ZC3H12B: variants seen among roughly 807,000 people sequenced by gnomAD.
ZC3H12B encodes the protein probable ribonuclease ZC3H12B.
ZC3H12B carries 7 observed loss-of-function variants against 43.9 expected under a neutral mutation model. The ratio of observed to expected loss-of-function variants is 0.16; its 90% CI spans 0.09 to 0.30. The LOEUF (loss-of-function observed/expected upper bound fraction) is 0.30, where lower values mean the gene tolerates loss of function less well. Ranked by LOEUF, ZC3H12B falls within the 10% of genes least tolerant of loss-of-function variation. The probability of loss-of-function intolerance (pLI) is 1.00; values close to 1 mark genes in which losing one functional copy is unlikely to be tolerated. For synonymous variants in ZC3H12B, 222 were observed against 241.7 expected, an observed-to-expected ratio of 0.92 and a Z score of 0.76; for missense variants, 475 against 670.2, an observed-to-expected ratio of 0.71 and a Z score of 3.22.
chrX:65,472,549 G>T (rs973829085), intron 3 of ZC3H12B, among the ~76,000 whole-genome samples: 8 of 108,921 alleles, frequency 7.3e-5, no homozygotes, highest in Non-Finnish European at 1.5e-4. Context: ...AAATTCAGCA[G>T]TTTTGTATCT....
At chrX:65,303,895 C>A in the ZC3H12B span, among the ~76,000 whole-genome samples, 1 of 112,032 alleles carries the variant, frequency 8.9e-6, no homozygotes, top group East Asian at 2.8e-4. Flanking sequence ...TAAAGAAGAC[C>A]ACATAAAATA....
At chrX:65,307,770 G>T in the ZC3H12B span, among the ~76,000 whole-genome samples, 1 of 111,495 alleles carries the variant, frequency 9.0e-6, no homozygotes, top group Admixed American at 9.5e-5. Flanking sequence ...AAAGCCACTC[G>T]CTGAAGCATA....
At chrX:65,458,490 A>G (rs1014546860) in intron 3 of ZC3H12B, among the ~76,000 whole-genome samples, 10 of 111,960 alleles carry the variant, frequency 8.9e-5, no homozygotes, top group African/African-American at 3.2e-4. Flanking sequence ...CTAAAAGAAC[A>G]GGAATCACAA....
intron 2 of ZC3H12B, among the ~76,000 whole-genome samples, chrX:65,387,489 C>A (rs1208771343): frequency 9.0e-6 from 1 of 111,303 alleles, no homozygotes; most frequent in African/African-American, 3.3e-5. Context: ...TTTCCATTTG[C>A]TTGGTAGATC....
the ZC3H12B span, among the ~76,000 whole-genome samples, chrX:65,238,303 C>G: frequency 9.0e-6 from 1 of 111,346 alleles, no homozygotes; most frequent in African/African-American, 3.3e-5. Flanking sequence ...AGGGATTCAA[C>G]GTCTTTCTCA....
the ZC3H12B span, among the ~76,000 whole-genome samples, chrX:65,214,151 C>T: frequency 2.7e-5 from 3 of 111,230 alleles, no homozygotes; most frequent in Non-Finnish European, 3.8e-5. Context: ...GGTCCATCCT[C>T]AGTGTTAATG....
intron 2 of ZC3H12B, among the ~76,000 whole-genome samples, chrX:65,397,553 C>A (rs1460066780): frequency 9.0e-6 from 1 of 111,575 alleles, no homozygotes; most frequent in Admixed American, 9.6e-5. Context: ...AGGGTTTCTG[C>A]AGAGAGATCC....
At chrX:65,461,242 T>A (rs1480251231) in intron 3 of ZC3H12B, among the ~76,000 whole-genome samples, 1 of 111,969 alleles carries the variant, frequency 8.9e-6, no homozygotes, top group Non-Finnish European at 1.9e-5. Flanking sequence ...ATAGGAACAC[T>A]TTTACACGTT....
At chrX:65,348,935 C>T in the ZC3H12B span, among the ~76,000 whole-genome samples, 3 of 110,771 alleles carry the variant, frequency 2.7e-5, no homozygotes, top group Non-Finnish European at 5.7e-5. Context: ...ACTTTAACAC[C>T]CCACTGTCAA....
chrX:65,114,720 A>C, the ZC3H12B span, among the ~76,000 whole-genome samples: 2 of 110,612 alleles, frequency 1.8e-5, no homozygotes, highest in Non-Finnish European at 3.8e-5. Flanking sequence ...TAATATTAAA[A>C]TAATTTATTC....
chrX:65,129,313 C>T, the ZC3H12B span, among the ~76,000 whole-genome samples: 1 of 106,265 alleles, frequency 9.4e-6, no homozygotes, highest in Non-Finnish European at 1.9e-5. Flanking sequence ...CATATGCATC[C>T]GTGTGAAGAG....
the ZC3H12B span, among the ~76,000 whole-genome samples, chrX:65,136,408 CTACTTGGCCTTCTGAGACACT>C: frequency 9.0e-6 from 1 of 111,224 alleles, no homozygotes; most frequent in Non-Finnish European, 1.9e-5. Flanking sequence ...TCTTGGCTCC[CTACTTGGCCTTCTGAGACACT>C]GTCTTGGTAG....
At chrX:65,192,084 G>A in the ZC3H12B span, among the ~76,000 whole-genome samples, 7 of 110,288 alleles carry the variant, frequency 6.3e-5, no homozygotes, top group Non-Finnish European at 1.1e-4. Flanking sequence ...GGAGCAGGTT[G>A]TTCAGTTTCC....
the ZC3H12B span, among the ~76,000 whole-genome samples, chrX:65,230,708 A>G: frequency 9.0e-6 from 1 of 110,921 alleles, no homozygotes; most frequent in Non-Finnish European, 1.9e-5. Context: ...ATGAAAGAGA[A>G]GTAATGATTT....
At chrX:65,159,196 T>A in the ZC3H12B span, among the ~76,000 whole-genome samples, 1 of 112,051 alleles carries the variant, frequency 8.9e-6, no homozygotes, top group Non-Finnish European at 1.9e-5. Context: ...TAATTTGAAG[T>A]CAGGTAGCAT....
At chrX:65,314,132 G>GA in the ZC3H12B span, among the ~76,000 whole-genome samples, 8 of 108,495 alleles carry the variant, frequency 7.4e-5, no homozygotes, top group African/African-American at 2.0e-4. Context: ...AGAACACAGA[G>GA]AAAAAAAAAT....
chrX:65,114,916 ATTTTTTT>A, the ZC3H12B span, among the ~76,000 whole-genome samples: 85 of 19,321 alleles, frequency 4.4e-3, no homozygotes, highest in African/African-American at 0.021. Flanking sequence ...GTGTCTCAGG[ATTTTTTT>A]TTTTTTTTTT....
the ZC3H12B span, among the ~76,000 whole-genome samples, chrX:65,155,704 A>T: frequency 9.0e-5 from 10 of 110,696 alleles, no homozygotes; most frequent in African/African-American, 2.6e-4. Flanking sequence ...AAATAAAAAT[A>T]AAAAAATTAG....
intron 3 of ZC3H12B, among the ~76,000 whole-genome samples, chrX:65,450,824 TACATATGTGTATATATGTATATATATAC>T (rs2067489567): frequency 1.5e-5 from 1 of 65,352 alleles, no homozygotes; most frequent in Non-Finnish European, 2.3e-5. Flanking sequence ...TGTATATATA[TACATATGTGTATATATGTATATATATAC>T]ATATGTGTAT....
Sources: allele counts gnomAD v4.1 joint callset (sites outside exome capture counted in the v4.1 genomes callset), GRCh38; gene constraint gnomAD v4.1.1; transcripts MANE v1.5; gene names NCBI Gene and HGNC (gene_info 2026-07-23, HGNC 2026-07-21).